The following TENM3 variants were observed in gnomAD, a reference collection of about 807,000 sequenced individuals.
TENM3 encodes teneurin transmembrane protein 3.
In TENM3, 63 loss-of-function variants were observed where a neutral mutation model predicts 255.1. That is an observed-to-expected ratio of 0.25 (90% confidence interval 0.20 to 0.30). TENM3 has a LOEUF of 0.30. TENM3 is among the 10% of genes least tolerant of loss of function. TENM3 has a pLI of 1.00. For missense variants in TENM3, 2,929 were observed against 3,461.1 expected, an observed-to-expected ratio of 0.85 and a Z score of 3.86; for synonymous variants, 1,306 against 1,322.3, an observed-to-expected ratio of 0.99 and a Z score of 0.27.
chr4:181,770,392 T>C, the TENM3 span, among the ~76,000 whole-genome samples: 1 of 152,180 alleles, frequency 6.6e-6, no homozygotes, highest in Non-Finnish European at 1.5e-5. Context: ...GTGAGGAAGT[T>C]GGCCGGGCGT....
At chr4:181,837,906 G>C in the TENM3 span, among the ~76,000 whole-genome samples, 1 of 152,080 alleles carries the variant, frequency 6.6e-6, no homozygotes, top group Non-Finnish European at 1.5e-5. Flanking sequence ...TTGGGAGTCC[G>C]AGGCAGGCAG....
At chr4:182,617,028 T>C (rs892820615) in intron 4 of TENM3, among the ~76,000 whole-genome samples, 1 of 152,214 alleles carries the variant, frequency 6.6e-6, no homozygotes, top group African/African-American at 2.4e-5. Flanking sequence ...TCACAGATAA[T>C]CCAGTTGGCT....
the TENM3 span, among the ~76,000 whole-genome samples, chr4:181,477,104 A>G: frequency 6.6e-6 from 1 of 152,056 alleles, no homozygotes; most frequent in East Asian, 1.9e-4. Context: ...TCATTCATTC[A>G]TCTATTTAAA....
intron 12 of TENM3, among the ~76,000 whole-genome samples, chr4:182,696,292 A>G (rs1757394788): frequency 6.6e-6 from 1 of 152,234 alleles, no homozygotes; most frequent in Non-Finnish European, 1.5e-5. Flanking sequence ...ATCGCATAGA[A>G]TATAGACTCA....
At chr4:181,558,266 T>G in the TENM3 span, among the ~76,000 whole-genome samples, 1 of 152,320 alleles carries the variant, frequency 6.6e-6, no homozygotes, top group South Asian at 2.1e-4. Flanking sequence ...ACACTCATCT[T>G]TTGGACAAAA....
intron 3 of TENM3, among the ~76,000 whole-genome samples, chr4:182,537,983 G>A (rs1740504504): frequency 1.3e-5 from 2 of 152,180 alleles, no homozygotes; most frequent in Non-Finnish European, 2.9e-5. Flanking sequence ...TTTATTAAGT[G>A]AGGGCTTTAA....
the TENM3 span, among the ~76,000 whole-genome samples, chr4:181,644,836 G>A: frequency 1.9e-4 from 29 of 152,066 alleles, no homozygotes; most frequent in Non-Finnish European, 4.1e-4. Context: ...GCCCTGGAAT[G>A]TAGCTAAAGA....
chr4:181,795,705 T>A, the TENM3 span, among the ~76,000 whole-genome samples: 2 of 152,150 alleles, frequency 1.3e-5, no homozygotes, highest in Non-Finnish European at 2.9e-5. Context: ...GAGAAAAATA[T>A]CAAGGTAATA....
chr4:182,587,609 T>A (rs1257899170), intron 3 of TENM3, among the ~76,000 whole-genome samples: 1 of 151,858 alleles, frequency 6.6e-6, no homozygotes, highest in East Asian at 2.0e-4. Context: ...ATGGATTTTG[T>A]CATGTTGCCC....
chr4:182,080,729 C>T, the TENM3 span, among the ~76,000 whole-genome samples: 676 of 152,260 alleles, frequency 4.4e-3, 1 homozygote, highest in African/African-American at 0.015. Context: ...TGGTGGCTCG[C>T]GCCCGTAATC....
chr4:181,458,141 T>C, the TENM3 span, among the ~76,000 whole-genome samples: 1 of 151,962 alleles, frequency 6.6e-6, no homozygotes, highest in Non-Finnish European at 1.5e-5. Flanking sequence ...CAAATCTGTA[T>C]CCTCATATAT....
chr4:182,210,222 T>C (rs1420498225), intron 1 of TENM3, among the ~76,000 whole-genome samples: 1 of 151,898 alleles, frequency 6.6e-6, no homozygotes, highest in African/African-American at 2.4e-5. Context: ...TTCAGAGAGG[T>C]CTCCTTTACA....
At chr4:182,741,858 C>T (rs1378809612) in intron 18 of TENM3, among the ~76,000 whole-genome samples, 1 of 152,182 alleles carries the variant, frequency 6.6e-6, no homozygotes. Context: ...CTAAAATGTG[C>T]TGAGTTATAA....
At chr4:182,287,623 A>ATTTTTATTTTTATTTATTTT (rs1399450509) in intron 1 of TENM3, among the ~76,000 whole-genome samples, 3 of 144,142 alleles carry the variant, frequency 2.1e-5, no homozygotes, top group Admixed American at 1.3e-4. Context: ...TTATTTATTT[A>ATTTTTATTTTTATTTATTTT]TTTTTTTTGA....
At chr4:181,724,882 G>A in the TENM3 span, among the ~76,000 whole-genome samples, 3 of 152,096 alleles carry the variant, frequency 2.0e-5, no homozygotes, top group African/African-American at 7.2e-5. Context: ...TTATTGTTCT[G>A]TCTGAGGGAT....
At chr4:181,574,123 AACT>A in the TENM3 span, among the ~76,000 whole-genome samples, 1 of 152,230 alleles carries the variant, frequency 6.6e-6, no homozygotes, top group African/African-American at 2.4e-5. Context: ...TAACTCTGAT[AACT>A]GCTTTTATGT....
intron 3 of TENM3, among the ~76,000 whole-genome samples, chr4:182,567,982 T>G (rs976175175): frequency 6.6e-6 from 1 of 152,156 alleles, no homozygotes; most frequent in South Asian, 2.1e-4. Context: ...CTGGTAAAGT[T>G]GGAAAGTTGG....
the TENM3 span, among the ~76,000 whole-genome samples, chr4:181,939,366 G>A: frequency 7.2e-5 from 11 of 152,184 alleles, no homozygotes; most frequent in African/African-American, 2.7e-4. Flanking sequence ...CAAAAAGGTG[G>A]TAGGATTCCT....
the TENM3 span, among the ~76,000 whole-genome samples, chr4:181,644,026 C>T: frequency 2.1e-3 from 304 of 145,398 alleles, 3 homozygotes; most frequent in Middle Eastern, 7.1e-3. Context: ...CAGTGAGCCA[C>T]GGTCATGCCA....
Sources: allele counts gnomAD v4.1 joint callset (sites outside exome capture counted in the v4.1 genomes callset), GRCh38; gene constraint gnomAD v4.1.1; transcripts MANE v1.5; gene names NCBI Gene and HGNC (gene_info 2026-07-23, HGNC 2026-07-21).